The following PIK3C2G variants were observed in gnomAD, a reference collection of about 807,000 sequenced individuals.
PIK3C2G encodes the protein phosphatidylinositol-4-phosphate 3-kinase catalytic subunit type 2 gamma.
A neutral mutation model predicts 181.1 loss-of-function variants in PIK3C2G; 168 were observed. That is an observed-to-expected ratio of 0.93 (90% confidence interval 0.82 to 1.05). PIK3C2G has a LOEUF of 1.05. PIK3C2G is among the 50% of genes least tolerant of loss of function. PIK3C2G has a pLI of 0.00. For missense variants in PIK3C2G, 1,869 were observed against 1,732.8 expected (o/e 1.08, Z -1.40); for synonymous variants, 573 against 592.2 (o/e 0.97, Z 0.47).
chr12:18,671,531 C>A, the PIK3C2G span, among the ~76,000 whole-genome samples: 3 of 152,096 alleles, frequency 2.0e-5, no homozygotes, highest in African/African-American at 7.2e-5. Flanking sequence ...AGGCACCACC[C>A]ATGTGTGGCT....
intron 1 of PIK3C2G, among the ~76,000 whole-genome samples, chr12:18,274,057 C>T (rs1948867130): frequency 6.6e-6 from 1 of 152,138 alleles, no homozygotes. Context: ...AAAAAATGCT[C>T]ATCATCACTG....
chr12:18,563,052 A>G (rs1169125043), intron 27 of PIK3C2G, among the ~76,000 whole-genome samples, 160 bp downstream of exon 27: 1 of 152,252 alleles, frequency 6.6e-6, no homozygotes, highest in Non-Finnish European at 1.5e-5. Context: ...GGATGTTCCA[A>G]GGAAAAATCA....
At chr12:18,548,948 C>G (rs1944585646) in intron 26 of PIK3C2G, among the ~76,000 whole-genome samples, 1 of 152,034 alleles carries the variant, frequency 6.6e-6, no homozygotes, top group Admixed American at 6.6e-5. Flanking sequence ...ATAGGCCATT[C>G]TCTCCATGTA....
upstream of PIK3C2G, among the ~76,000 whole-genome samples, chr12:18,257,508 G>T (rs1236687579): frequency 2.0e-5 from 3 of 152,056 alleles, no homozygotes; most frequent in African/African-American, 7.2e-5. Context: ...GAATTAGAAA[G>T]CTGGGAATCA....
intron 26 of PIK3C2G, among the ~76,000 whole-genome samples, chr12:18,551,978 G>A (rs115134026): frequency 0.011 from 1,716 of 152,122 alleles, 32 homozygotes; most frequent in African/African-American, 0.039. Flanking sequence ...TTGCCCAGCC[G>A]TATTCTTATC....
chr12:18,482,941 C>T (rs141957879), intron 18 of PIK3C2G, among the ~76,000 whole-genome samples: 4 of 152,276 alleles, frequency 2.6e-5, no homozygotes, highest in East Asian at 3.9e-4. Flanking sequence ...AGTTATCTGA[C>T]CCCCAGTTGG....
intron 13 of PIK3C2G, among the ~76,000 whole-genome samples, chr12:18,375,765 C>T (rs1197795514): frequency 6.6e-6 from 1 of 152,206 alleles, no homozygotes; most frequent in Non-Finnish European, 1.5e-5. Flanking sequence ...GTTTCTGGGG[C>T]CAGGCCCAGG....
intron 29 of PIK3C2G, among the ~76,000 whole-genome samples, chr12:18,569,491 A>C (rs1945816319): frequency 6.6e-6 from 1 of 152,156 alleles, no homozygotes; most frequent in South Asian, 2.1e-4. Flanking sequence ...ATAATATTTT[A>C]TTATACAAAT....
intron 24 of PIK3C2G, among the ~76,000 whole-genome samples, chr12:18,527,508 A>G (rs556442097): frequency 6.6e-6 from 1 of 152,256 alleles, no homozygotes; most frequent in South Asian, 2.1e-4. Context: ...ACCTGATTTT[A>G]GAAACTAATG....
chr12:18,488,605 G>C lies in PIK3C2G; in HGVS notation c.2661G>C (p.Lys887Asn), dbSNP rs1446479359. Reference sequence around the variant, plus strand: ...TGGGAGATATTGGGGAAAGAGTCAAGTCTGCCAGTGACCATCAAAGACAGG... The same window carrying C: ...TGGGAGATATTGGGGAAAGAGTCAACTCTGCCAGTGACCATCAAAGACAGG... ...KILGDIGERV[K>N]SASDHQRQEV... Residue 887 changes from lysine (K) to asparagine (N), a missense_variant, in exon 19 of 33, where the codon AAG (lysine) becomes AAC (asparagine). Coordinates refer to ENST00000538779, the MANE Select transcript of PIK3C2G (RefSeq NM_001288772.2). The C allele has an allele frequency of 2.6e-6, 4 of 1,548,756 alleles. No individual in the cohort carries two copies. Among genetic ancestry groups the C allele is most frequent in the African/African-American group, 1.4e-5 (1 of 71,698 alleles).
chr12:18,565,202 C>T lies in PIK3C2G; in HGVS notation c.3902+1704C>T, dbSNP rs147767797. Among the ~76,000 whole-genome samples, 217 of 152,172 alleles carry T rather than the reference C, an allele frequency of 1.4e-3. 1 individual carries two copies. The highest frequency in any genetic ancestry group is 5.0e-3 in the African/African-American group (206 of 41,522). ...TCTAAAATTACTGAGAGAAGCCCTA[C>T]GAGAGTTATGTAAATGTCATCTGGA... On this transcript the variant is annotated intron_variant, in intron 28 of 32. Coordinates refer to ENST00000538779, the MANE Select transcript of PIK3C2G (RefSeq NM_001288772.2).
chr12:18,389,535 T>C (rs1296161372), intron 14 of PIK3C2G, among the ~76,000 whole-genome samples: 1 of 152,168 alleles, frequency 6.6e-6, no homozygotes, highest in Non-Finnish European at 1.5e-5. Flanking sequence ...TTCTCCTCAA[T>C]TAAACTTTAA....
At chr12:18,524,474 G>A (rs904331168) in intron 24 of PIK3C2G, among the ~76,000 whole-genome samples, 2 of 152,004 alleles carry the variant, frequency 1.3e-5, no homozygotes, top group African/African-American at 4.8e-5. Flanking sequence ...CTTTGTTGAT[G>A]TCACTCTTCC....
At chr12:18,582,396 C>T (rs569812462) in intron 29 of PIK3C2G, among the ~76,000 whole-genome samples, 13 of 152,208 alleles carry the variant, frequency 8.5e-5, no homozygotes, top group African/African-American at 2.9e-4. Flanking sequence ...AGGAGATCCC[C>T]TGGTGAACCC....
intron 24 of PIK3C2G, among the ~76,000 whole-genome samples, chr12:18,526,478 T>C (rs2136200030): frequency 6.6e-6 from 1 of 152,308 alleles, no homozygotes; most frequent in East Asian, 1.9e-4. Context: ...AGAGGTTCAA[T>C]TTCAGTTGAT....
chr12:18,496,786 T>C (rs1280834759), intron 21 of PIK3C2G, among the ~76,000 whole-genome samples: 1 of 152,168 alleles, frequency 6.6e-6, no homozygotes, highest in Admixed American at 6.5e-5. Context: ...GAGTGAATCT[T>C]TGGTGAATTC....
rs533050626 is a variant in PIK3C2G at position 18,250,025 on chromosome 12, CTAATTG to C, written c.-79+1947_-79+1952del. Among the ~76,000 whole-genome samples the C allele has an allele frequency of 2.4e-4, 37 of 152,044 alleles. No homozygotes were observed. The South Asian group carries it at 7.5e-3, about 31-fold the overall frequency. On this transcript the variant is annotated intron_variant, in intron 1 of 11. Coordinates refer to the PIK3C2G transcript ENST00000535651. ...CCCTGTACACAGATCTTAACTCTAA[CTAATTG>C]TAAGTTTAGCTCACTCAATGTAACC...
At chr12:18,277,026 C>T (rs1949014313) in intron 1 of PIK3C2G, among the ~76,000 whole-genome samples, 1 of 152,054 alleles carries the variant, frequency 6.6e-6, no homozygotes, top group Non-Finnish European at 1.5e-5. Context: ...CCCCAAGCAC[C>T]TCTTGTCTTC....
chr12:18,328,918 A>T (rs1316365237), intron 8 of PIK3C2G, among the ~76,000 whole-genome samples: 3 of 151,940 alleles, frequency 2.0e-5, no homozygotes, highest in African/African-American at 7.2e-5. Context: ...AGTGTAAGAA[A>T]ATTGGATAAA....
Sources: allele counts gnomAD v4.1 joint callset (sites outside exome capture counted in the v4.1 genomes callset), GRCh38; gene constraint gnomAD v4.1.1; transcripts MANE v1.5; gene names NCBI Gene and HGNC (gene_info 2026-07-23, HGNC 2026-07-21).